SDCCAG8: variants seen among roughly 807,000 people sequenced by gnomAD.
SDCCAG8 encodes the protein SHH signaling and ciliogenesis regulator SDCCAG8.
Under a neutral mutation model 101.8 loss-of-function variants are expected in SDCCAG8, and 74 were observed. The ratio of observed to expected loss-of-function variants is 0.73; its 90% CI spans 0.60 to 0.88. The LOEUF (loss-of-function observed/expected upper bound fraction) is 0.88, where lower values mean the gene tolerates loss of function less well. SDCCAG8 is among the 40% of genes least tolerant of loss of function. The pLI, the probability that SDCCAG8 is intolerant of heterozygous loss-of-function variation, is 0.00. For missense variants in SDCCAG8, 787 were observed against 822.6 expected, an observed-to-expected ratio of 0.96 and a Z score of 0.53; for synonymous variants, 281 against 292.9, an observed-to-expected ratio of 0.96 and a Z score of 0.41.
chr1:243,263,815 A>G (rs1451709291), intron 1 of SDCCAG8, among the ~76,000 whole-genome samples: 1 of 152,202 alleles, frequency 6.6e-6, no homozygotes, highest in African/African-American at 2.4e-5. Context: ...TCACAATTGT[A>G]ATTGCCTTTC....
rs150902361 is a variant in SDCCAG8 at position 243,382,042 on chromosome 1, G to A, written c.1616+3179G>A. ...GAAGAAAGTGGGTTGGGTACCCCAG[G>A]TAGAGAGACCAATATATACAGAGAC... On this transcript the variant is annotated intron_variant, in intron 13 of 17. Coordinates refer to ENST00000366541, the MANE Select transcript of SDCCAG8 (RefSeq NM_006642.5). Among the ~76,000 whole-genome samples the A allele has an allele frequency of 3.9e-5, 6 of 152,268 alleles. No individual in the cohort carries two copies. The East Asian group carries it at 1.2e-3, about 29-fold the overall frequency.
At chr1:243,355,335 TC>T (rs2076324119) in intron 12 of SDCCAG8, among the ~76,000 whole-genome samples, 1 of 152,064 alleles carries the variant, frequency 6.6e-6, no homozygotes, top group Non-Finnish European at 1.5e-5. Flanking sequence ...TCTCTCTCTC[TC>T]TCTCTCTGTC....
intron 1 of SDCCAG8, among the ~76,000 whole-genome samples, chr1:243,258,584 T>C (rs957486921): frequency 1.3e-5 from 2 of 152,146 alleles, no homozygotes; most frequent in Non-Finnish European, 2.9e-5. Flanking sequence ...TTTGTATTTT[T>C]AGTAGAGACT....
At chr1:243,351,201 C>T (rs925366689) in intron 12 of SDCCAG8, among the ~76,000 whole-genome samples, 1 of 152,296 alleles carries the variant, frequency 6.6e-6, no homozygotes, top group South Asian at 2.1e-4. Context: ...TGTAATCACT[C>T]GGTCCTGGTG....
intron 4 of SDCCAG8, among the ~76,000 whole-genome samples, chr1:243,276,704 A>T (rs1416136603): frequency 6.6e-6 from 1 of 152,178 alleles, no homozygotes; most frequent in Non-Finnish European, 1.5e-5. Flanking sequence ...TACGAATTTG[A>T]CAAGTGTATA....
chr1:243,264,755 C>T (rs531842508), intron 1 of SDCCAG8, among the ~76,000 whole-genome samples: 3 of 152,180 alleles, frequency 2.0e-5, no homozygotes, highest in Admixed American at 6.5e-5. Flanking sequence ...CTTGCACTTA[C>T]GTTCATGTGA....
intron 4 of SDCCAG8, among the ~76,000 whole-genome samples, chr1:243,275,485 A>G (rs1392445745): frequency 6.6e-6 from 1 of 152,048 alleles, no homozygotes; most frequent in East Asian, 1.9e-4. Flanking sequence ...CACTGTCCTG[A>G]TTTTACCGGG....
chr1:243,449,938 G>A (rs144493401), intron 16 of SDCCAG8, among the ~76,000 whole-genome samples: 246 of 152,246 alleles, frequency 1.6e-3, no homozygotes, highest in African/African-American at 5.7e-3. Flanking sequence ...GCTTGAAAAC[G>A]TATTTGGATC....
At chr1:243,437,194 AT>A (rs2082191701) in intron 16 of SDCCAG8, among the ~76,000 whole-genome samples, 1 of 152,326 alleles carries the variant, frequency 6.6e-6, no homozygotes, top group African/African-American at 2.4e-5. Context: ...AGACTCTACA[AT>A]TTTAAACATT....
intron 8 of SDCCAG8, among the ~76,000 whole-genome samples, chr1:243,314,216 A>G (rs1032230447): frequency 2.0e-5 from 3 of 152,232 alleles, no homozygotes; most frequent in Non-Finnish European, 2.9e-5. Flanking sequence ...TTTGCCTTAC[A>G]GAAAGGAGGA....
intron 16 of SDCCAG8, among the ~76,000 whole-genome samples, chr1:243,453,693 A>G (rs1013536506): frequency 6.6e-6 from 1 of 152,220 alleles, no homozygotes; most frequent in Non-Finnish European, 1.5e-5. Context: ...GGCTAAATAG[A>G]TTCTCTCAAC....
At chr1:243,328,719 T>G (rs1228038709) in intron 9 of SDCCAG8, among the ~76,000 whole-genome samples, 3 of 152,260 alleles carry the variant, frequency 2.0e-5, no homozygotes, top group Non-Finnish European at 2.9e-5. Context: ...TTACATGATT[T>G]TACAGCTTCT....
chr1:243,386,187 GAGGCAACTAAGGCAC>G (rs1241160118), intron 13 of SDCCAG8, among the ~76,000 whole-genome samples: 1 of 152,206 alleles, frequency 6.6e-6, no homozygotes, highest in Non-Finnish European at 1.5e-5. Flanking sequence ...ATTTACAGCT[GAGGCAACTAAGGCAC>G]AGAGAAGGAA....
rs372065791 is a variant in SDCCAG8, at chr1:243,487,274, C to T, written c.1986-1740C>T. ...CTGTTCAGGACAGCCCGGGCCCCCC[C>T]CTGGGGCCTTGCAGGAGAGCTTCTG... is the stretch of plus-strand genomic sequence containing the variant. On this transcript the variant is annotated intron_variant, in intron 16 of 17. Transcript: ENST00000366541. 1.2e-4 allele frequency among the ~76,000 whole-genome samples: 19 copies of T among 152,228 alleles called. 1 individual carries two copies. Among genetic ancestry groups the T allele is most frequent in the Non-Finnish European group, 1.6e-4 (11 of 68,028 alleles).
intron 8 of SDCCAG8, among the ~76,000 whole-genome samples, chr1:243,315,745 G>A (rs896827435): frequency 2.0e-5 from 3 of 152,048 alleles, no homozygotes; most frequent in Non-Finnish European, 2.9e-5. Context: ...AAAAATCATA[G>A]TTGGCCCTTT....
intron 9 of SDCCAG8, among the ~76,000 whole-genome samples, chr1:243,329,456 A>G (rs1004943205): frequency 9.2e-5 from 14 of 152,226 alleles, no homozygotes; most frequent in African/African-American, 3.4e-4. Flanking sequence ...TAAAACTTAC[A>G]GTGCTTACTA....
At chr1:243,484,438 C>T (rs1664366585) in intron 16 of SDCCAG8, among the ~76,000 whole-genome samples, 1 of 152,246 alleles carries the variant, frequency 6.6e-6, no homozygotes, top group African/African-American at 2.4e-5. Flanking sequence ...GCCTCAGTTT[C>T]CTTAACCTTA....
At chr1:243,393,080 A>G (rs959188653) in intron 13 of SDCCAG8, among the ~76,000 whole-genome samples, 3 of 152,250 alleles carry the variant, frequency 2.0e-5, no homozygotes, top group African/African-American at 7.2e-5. Flanking sequence ...GTGAGCAACA[A>G]AACTGAAGCA....
At chr1:243,341,281 A>G in intron 11 of SDCCAG8, 108 bp downstream of exon 11, 1 of 1,298,520 alleles carries the variant, frequency 7.7e-7, no homozygotes, top group South Asian at 1.3e-5. Context: ...AGTTTGGAGT[A>G]GAAAAGTTTT....
Sources: gnomAD v4.1 joint callset for allele counts (sites outside exome capture counted in the v4.1 genomes callset) on GRCh38, gnomAD v4.1.1 for gene constraint, MANE v1.5 for transcripts, NCBI Gene and HGNC (gene_info 2026-07-23, HGNC 2026-07-21) for gene names.